ESS2: variants seen among roughly 807,000 people sequenced by gnomAD.
The protein encoded by ESS2 is ess-2 spliceosome associated protein, also known as splicing factor ESS-2 homolog.
ESS2 carries 31 observed loss-of-function variants against 52.0 expected under a neutral mutation model. The ratio of observed to expected loss-of-function variants is 0.60; its 90% CI spans 0.45 to 0.81. The LOEUF (loss-of-function observed/expected upper bound fraction) is 0.81, where lower values mean the gene tolerates loss of function less well. Among genes scored for constraint, ESS2 ranks in the 30% least tolerant of loss-of-function variants. The pLI is 0.00. For synonymous variants in ESS2, 285 were observed against 259.2 expected, an observed-to-expected ratio of 1.10 and a Z score of -0.95; for missense variants, 602 against 637.2, an observed-to-expected ratio of 0.94 and a Z score of 0.59.
Position 19,131,514 on chromosome 22 carries a change from G to A in ESS2, c.*2682C>T. The A allele has an allele frequency of 6.2e-7, 1 of 1,614,154 alleles. No homozygotes were observed. The highest frequency in any genetic ancestry group is 8.5e-7 in the Non-Finnish European group (1 of 1,180,022). Reference sequence around the variant, plus strand: ...CTCTGAGCGCCTCAAGTTCAATGTGGCTGTCAAGATCATCGACCGCAAGAA... The same window carrying A: ...CTCTGAGCGCCTCAAGTTCAATGTGACTGTCAAGATCATCGACCGCAAGAA... On this transcript the variant is annotated 3_prime_UTR_variant, in exon 10 of 10. Transcript: ENST00000252137. The surrounding 1 kb of genome is among the most constrained non-coding windows in gnomAD (Gnocchi z 5.7).
In ESS2 at chr22:19,131,378, G is replaced by T. The variant is rs549179530; in HGVS notation, c.*2818C>A. 121 of 1,561,630 alleles carry T rather than the reference G, an allele frequency of 7.7e-5. No homozygotes were observed. The highest frequency in any genetic ancestry group is 2.4e-4 in the Admixed American group (13 of 55,036). On this transcript the variant is annotated 3_prime_UTR_variant, in exon 10 of 10. Transcript: ENST00000252137. This position sits in a 1 kb window ranked among gnomAD's most constrained non-coding sequence, Gnocchi z 5.7. ...ATGACGGGGGGATGTAGACGGCAGC[G>T]GCGCCAGTCGCTCCTGGCACCATGG...
chr22:19,144,061 G>A (rs2083741877), intron 1 of ESS2: 8 of 998,058 alleles, frequency 8.0e-6, no homozygotes, highest in African/African-American at 1.7e-5. Context: ...ACTGACTTCC[G>A]CCAATCCCCG....
At chr22:19,136,896 A>G (rs1340319672) in intron 8 of ESS2, among the ~76,000 whole-genome samples, 2 of 152,088 alleles carry the variant, frequency 1.3e-5, no homozygotes, top group African/African-American at 4.8e-5. Flanking sequence ...CGGGCCTCAC[A>G]CACTCCACCC....
rs1415142513 is a variant in ESS2 at position 19,132,224 on chromosome 22, C to A, written c.*1972G>T. Reference sequence around the variant, plus strand: ...TCAGCCACTCGTGGCTGCAGCCCCCCAAGCCCAAAGCCACGTCTTCTGCCT... The same window carrying A: ...TCAGCCACTCGTGGCTGCAGCCCCCAAAGCCCAAAGCCACGTCTTCTGCCT... On this transcript the variant is annotated 3_prime_UTR_variant, in exon 10 of 10. Coordinates refer to ENST00000252137, the MANE Select transcript of ESS2 (RefSeq NM_022719.3). This position sits in a 1 kb window ranked among gnomAD's most constrained non-coding sequence, Gnocchi z 4.2. 1 of 1,612,306 alleles carries A rather than the reference C, an allele frequency of 6.2e-7. No individual in the cohort carries two copies. Among genetic ancestry groups the A allele is most frequent in the African/African-American group, 1.3e-5 (1 of 74,900 alleles).
rs1250900344 is a variant in ESS2 at position 19,142,974 on chromosome 22, A to G, written c.136-80T>C. The G allele has an allele frequency of 6.5e-6, 9 of 1,380,642 alleles. No homozygotes were observed. In the South Asian group the frequency reaches 1.2e-4, roughly 18 times the overall value. The allele number at this position is 1,380,642 out of a possible 1,614,324, so 85.5% of individuals were successfully genotyped here. A position where few individuals can be genotyped will look rare whatever the true frequency, so the allele number is the denominator to read the frequency against. On this transcript the variant is annotated intron_variant, in intron 1 of 9. Transcript: ENST00000252137. ...GTAATCCCAACACTTTGGGAGGCCA[A>G]GGGAGGTGGATCATGAGGTCAGAAG...
At position 19,133,941 on chromosome 22, in the gene ESS2, A is replaced by C. The variant is rs1601340729; in HGVS notation, c.*255T>G. The C allele has an allele frequency of 5.3e-6, 2 of 375,660 alleles. No individual in the cohort carries two copies. Among genetic ancestry groups the C allele is most frequent in the East Asian group, 4.1e-5 (1 of 24,424 alleles). The allele number at this position is 375,660 out of a possible 1,614,324, so 23.3% of individuals were successfully genotyped here. On this transcript the variant is annotated 3_prime_UTR_variant, in exon 10 of 10. Coordinates refer to ENST00000252137, the MANE Select transcript of ESS2 (RefSeq NM_022719.3). The stretch of plus-strand genomic sequence containing the variant: ...ATGGAGAGGCAACCCCCCAGACTGT[A>C]CCTAGGTGTTCTTTAATGACAGTTC...
Position 19,132,109 on chromosome 22 carries a change from G to C in ESS2, c.*2087C>G. ...AAGGAGCACCGTGTGGACTTCCCGC[G>C]CTCCAAGAACCTGACCTGCGAGTGC... On this transcript the variant is annotated 3_prime_UTR_variant, in exon 10 of 10. Coordinates refer to ENST00000252137, the MANE Select transcript of ESS2 (RefSeq NM_022719.3). This position sits in a 1 kb window ranked among gnomAD's most constrained non-coding sequence, Gnocchi z 4.2. 6.2e-7 allele frequency: 1 copy of C among 1,612,836 alleles called. No individual in the cohort carries two copies. The highest frequency in any genetic ancestry group is 8.5e-7 in the Non-Finnish European group (1 of 1,179,038).
Position 19,133,972 on chromosome 22 carries a change from G to A in ESS2, c.*224C>T. ...GTGTTCTTTAATGACAGTTCAAGGGGCCAATTAAACAGCAAACAGCTTGGC... is the reference window on the plus strand; with the variant it reads ...GTGTTCTTTAATGACAGTTCAAGGGACCAATTAAACAGCAAACAGCTTGGC... On this transcript the variant is annotated 3_prime_UTR_variant, in exon 10 of 10. Transcript: ENST00000252137. 2.3e-6 allele frequency: 1 copy of A among 438,280 alleles called. No individual in the cohort carries two copies. The highest frequency in any genetic ancestry group is 3.8e-6 in the Non-Finnish European group (1 of 259,908). 27.1% of individuals were successfully genotyped at this position (438,280 alleles called of 1,614,324 possible).
intron 1 of ESS2, among the ~76,000 whole-genome samples, chr22:19,143,822 T>G (rs1267132243): frequency 6.6e-6 from 1 of 152,224 alleles, no homozygotes; most frequent in Non-Finnish European, 1.5e-5. Context: ...ATCGCGCCAC[T>G]GCACTCCAGC....
chr22:19,144,559 CCT>C lies in ESS2; in HGVS notation c.80_81del (p.Glu27GlyfsTer31), dbSNP rs1237644294. ...SRPPRKREAG[E>X]AGAATSKQRV... Reference sequence around the variant, plus strand: ...CGCTGCTTGCTCGTCGCAGCCCCAGCCTCTCCCGCCTCGCGCTTCCTCGGGGG... The same window carrying C: ...CGCTGCTTGCTCGTCGCAGCCCCAGCCTCCCGCCTCGCGCTTCCTCGGGGG... On this transcript the variant is annotated frameshift_variant, in exon 1 of 10. Transcript: ENST00000252137. LOFTEE classifies it high-confidence loss of function. The C allele has an allele frequency of 1.1e-5, 18 of 1,608,102 alleles. No homozygotes were observed. The highest frequency in any genetic ancestry group is 1.4e-5 in the Non-Finnish European group (17 of 1,176,928).
At position 19,140,008 on chromosome 22, in the gene ESS2, C is replaced by T; in HGVS notation, c.417G>A (p.Glu139=). 6.2e-7 allele frequency: 1 copy of T among 1,613,822 alleles called. No individual in the cohort carries two copies. The highest frequency in any genetic ancestry group is 8.5e-7 in the Non-Finnish European group (1 of 1,179,992). Residue 139 remains glutamate, a synonymous_variant, in exon 4 of 10, where the codon GAG becomes GAA. Coordinates refer to ENST00000252137, the MANE Select transcript of ESS2 (RefSeq NM_022719.3). ...RGLEDGEAGE[E]EEKEPLPSLD... ...GGCTGGGCAGCGGCTCCTTCTCCTC[C>T]TCCTCTCCAGCCTCTCCTGCTTAGG...
rs764265858 is a variant in ESS2 at position 19,131,733 on chromosome 22, G to A, written c.*2463C>T. On this transcript the variant is annotated 3_prime_UTR_variant, in exon 10 of 10. Coordinates refer to ENST00000252137, the MANE Select transcript of ESS2 (RefSeq NM_022719.3). The surrounding 1 kb of genome is among the most constrained non-coding windows in gnomAD (Gnocchi z 5.7). ...GTGCCAGGGAGCCCTGCATGAGGAC[G>A]TGGCACGCAAGATGTTCCGACAGCT... The A allele has an allele frequency of 1.1e-5, 18 of 1,613,962 alleles. No individual in the cohort carries two copies. Among genetic ancestry groups the A allele is most frequent in the South Asian group, 2.2e-5 (2 of 91,080 alleles).
chr22:19,137,224 TG>T, intron 8 of ESS2, 98 bp downstream of exon 8: 2 of 836,688 alleles, frequency 2.4e-6, no homozygotes, highest in Non-Finnish European at 3.7e-6. Context: ...CGTCAGCAGC[TG>T]GGGGCCGATC....
Position 19,132,047 on chromosome 22 carries a change from T to C in ESS2, c.*2149A>G. On this transcript the variant is annotated 3_prime_UTR_variant, in exon 10 of 10. Coordinates refer to ENST00000252137, the MANE Select transcript of ESS2 (RefSeq NM_022719.3). The surrounding 1 kb of genome is among the most constrained non-coding windows in gnomAD (Gnocchi z 4.2). ...TCATGGTCTGCGGCTCCATGCCCTA[T>C]GACGACTCCGACATCAGGAAGATGC... 6.2e-7 allele frequency: 1 copy of C among 1,614,078 alleles called. No homozygotes were observed. The highest frequency in any genetic ancestry group is 8.5e-7 in the Non-Finnish European group (1 of 1,179,984).
In ESS2 at chr22:19,144,104, G is replaced by A. The variant is rs1411095213; in HGVS notation, c.135+402C>T. ...TCCTCCTTCTGTGTGCGTGTGGTGG[G>A]GCGACGCAGGTCCACTCACTCGAGA... On this transcript the variant is annotated intron_variant, in intron 1 of 9. Coordinates refer to ENST00000252137, the MANE Select transcript of ESS2 (RefSeq NM_022719.3). The A allele has an allele frequency of 5.9e-6, 6 of 1,012,716 alleles. No individual in the cohort carries two copies. The African/African-American group carries it at 6.9e-5, about 12-fold the overall frequency. 62.7% of individuals were successfully genotyped at this position (1,012,716 alleles called of 1,614,324 possible). A position where few individuals can be genotyped will look rare whatever the true frequency, so the allele number is the denominator to read the frequency against.
In ESS2 at chr22:19,131,206, GC is replaced by G; in HGVS notation, c.*2989del. Reference sequence around the variant, plus strand: ...CCTGTTCTCCCTCAGCCCAGTCCCCGCCCCCACTCCTTGGCTTTATGAGTTC... The same window carrying G: ...CCTGTTCTCCCTCAGCCCAGTCCCCGCCCCACTCCTTGGCTTTATGAGTTC... On this transcript the variant is annotated 3_prime_UTR_variant, in exon 10 of 10. Transcript: ENST00000252137. This position sits in a 1 kb window ranked among gnomAD's most constrained non-coding sequence, Gnocchi z 5.7. 1 of 580,766 alleles carries G rather than the reference GC, an allele frequency of 1.7e-6. No individual in the cohort carries two copies. Among genetic ancestry groups the G allele is most frequent in the Non-Finnish European group, 3.1e-6 (1 of 327,266 alleles). The allele number at this position is 580,766 out of a possible 1,614,324, so 36.0% of individuals were successfully genotyped here.
intron 8 of ESS2, among the ~76,000 whole-genome samples, chr22:19,136,796 G>A (rs1164411930): frequency 6.6e-6 from 1 of 152,112 alleles, no homozygotes; most frequent in Non-Finnish European, 1.5e-5. Flanking sequence ...TGGGTTACCT[G>A]TACTAAGTAT....
chr22:19,142,910 A>G lies in ESS2; in HGVS notation c.136-16T>C. The stretch of plus-strand genomic sequence containing the variant: ...TCTGGAGGCCCTGCAAGGAGAGATC[A>G]GAATGAAAGTCAGAGGCCAGGCGCG... On this transcript the variant is annotated splice_polypyrimidine_tract_variant and intron_variant, in intron 1 of 9. Transcript: ENST00000252137. 6.2e-7 allele frequency: 1 copy of G among 1,606,954 alleles called. No homozygotes were observed. Among genetic ancestry groups the G allele is most frequent in the African/African-American group, 1.3e-5 (1 of 74,670 alleles).
Position 19,132,836 on chromosome 22 carries a change from G to T in ESS2, c.*1360C>A, listed in dbSNP as rs1339902743. ...CAGAATCACAGTGTGGCCTGGCCTTGTGGGGGACAAGAGGGCCTCTGCCAG... is the reference window on the plus strand; with the variant it reads ...CAGAATCACAGTGTGGCCTGGCCTTTTGGGGGACAAGAGGGCCTCTGCCAG... On this transcript the variant is annotated 3_prime_UTR_variant, in exon 10 of 10. Transcript: ENST00000252137. The surrounding 1 kb of genome is among the most constrained non-coding windows in gnomAD (Gnocchi z 4.2). 1 of 235,636 alleles carries T rather than the reference G, an allele frequency of 4.2e-6. No individual in the cohort carries two copies. The highest frequency in any genetic ancestry group is 8.4e-6 in the Non-Finnish European group (1 of 118,990). The allele number at this position is 235,636 out of a possible 1,614,324, so 14.6% of individuals were successfully genotyped here. A position where few individuals can be genotyped will look rare whatever the true frequency, so the allele number is the denominator to read the frequency against.
Sources: allele counts gnomAD v4.1 joint callset (sites outside exome capture counted in the v4.1 genomes callset), GRCh38; gene constraint gnomAD v4.1.1; non-coding constraint Gnocchi (gnomAD v3.1); transcripts MANE v1.5; gene names NCBI Gene and HGNC (gene_info 2026-07-23, HGNC 2026-07-21).